The following YTHDF3 variants were observed in gnomAD, a reference collection of about 807,000 sequenced individuals.
YTHDF3 encodes the protein YTH domain-containing family protein 3.
Under a neutral mutation model 52.5 loss-of-function variants are expected in YTHDF3, and 9 were observed. The ratio of observed to expected loss-of-function variants is 0.17; its 90% CI spans 0.10 to 0.30. YTHDF3 has a LOEUF of 0.30. Ranked by LOEUF, YTHDF3 falls within the 10% of genes least tolerant of loss-of-function variation. YTHDF3 has a pLI of 1.00. For missense variants in YTHDF3, 534 were observed against 715.0 expected (o/e 0.75, Z 2.89); for synonymous variants, 274 against 243.3 (o/e 1.13, Z -1.18).
intron 4 of YTHDF3, among the ~76,000 whole-genome samples, chr8:63,188,571 C>A (rs1043306480): frequency 6.7e-6 from 1 of 149,230 alleles, no homozygotes; most frequent in South Asian, 2.1e-4. Context: ...TCTGCCCCTA[C>A]CCCTCTGCCT....
At chr8:63,204,173 C>T (rs1367081394) in intron 4 of YTHDF3, among the ~76,000 whole-genome samples, 1 of 151,724 alleles carries the variant, frequency 6.6e-6, no homozygotes, top group Non-Finnish European at 1.5e-5. Flanking sequence ...TGTCTTGGAT[C>T]TATCCTCTCA....
intron 1 of YTHDF3, chr8:63,169,176 G>A: frequency 7.2e-7 from 1 of 1,394,900 alleles, no homozygotes; most frequent in Admixed American, 2.8e-5. Context: ...GCGGAGACCG[G>A]GCGAGCTCTG....
intron 3 of YTHDF3, among the ~76,000 whole-genome samples, chr8:63,179,837 CG>C (rs1398838915): frequency 6.6e-6 from 1 of 150,622 alleles, no homozygotes; most frequent in Non-Finnish European, 1.5e-5. Context: ...GGCGGCTGGC[CG>C]GGTGGGGGGC....
At chr8:63,193,090 C>T (rs1303835181) in intron 4 of YTHDF3, among the ~76,000 whole-genome samples, 1 of 152,002 alleles carries the variant, frequency 6.6e-6, no homozygotes, top group East Asian at 1.9e-4. Context: ...TTTAAGAGGC[C>T]TGGCTGGGCA....
In YTHDF3 at chr8:63,168,734, C is replaced by T. The variant is rs1257438688; in HGVS notation, c.-144C>T. On this transcript the variant is annotated 5_prime_UTR_variant, in exon 1 of 5. Transcript: ENST00000539294. ...CTTCCTCCGACTCCCGAGCGCGAGG[C>T]CCTCATTTTGGGTTCTCAGCGAACG... 4 of 1,497,028 alleles carry T rather than the reference C, an allele frequency of 2.7e-6. No individual in the cohort carries two copies. In the East Asian group the frequency reaches 1.0e-4, roughly 38 times the overall value. 92.7% of individuals were successfully genotyped at this position (1,497,028 alleles called of 1,614,324 possible).
upstream of YTHDF3, chr8:63,168,612 A>G (rs1242869880): frequency 1.7e-6 from 1 of 601,644 alleles, no homozygotes; most frequent in Non-Finnish European, 2.9e-6. Context: ...GGAGGCTCGG[A>G]GCGGAAGTGA....
At chr8:63,177,458 T>C (rs372432158) in intron 3 of YTHDF3, among the ~76,000 whole-genome samples, 1 of 152,224 alleles carries the variant, frequency 6.6e-6, no homozygotes, top group Non-Finnish European at 1.5e-5. Flanking sequence ...TTGTGAAATG[T>C]AGTGCAAGTT....
chr8:63,207,487 T>C (rs1810107084), intron 4 of YTHDF3, among the ~76,000 whole-genome samples: 1 of 152,204 alleles, frequency 6.6e-6, no homozygotes, highest in Non-Finnish European at 1.5e-5. Flanking sequence ...TAGATTTTTT[T>C]CAAACTCATT....
chr8:63,206,183 C>T (rs1810018579), intron 4 of YTHDF3, among the ~76,000 whole-genome samples: 1 of 152,106 alleles, frequency 6.6e-6, no homozygotes, highest in African/African-American at 2.4e-5. Context: ...AAGTGATTCT[C>T]CTGCCTCATC....
rs1040277747 is a variant in YTHDF3, at chr8:63,211,201, T to C, written c.*1495T>C. The stretch of plus-strand genomic sequence containing the variant: ...ATTTTATTTTGTACAATGTTTTTTT[T>C]AAATGTGCAAATACTGTATTCAAGT... On this transcript the variant is annotated 3_prime_UTR_variant, in exon 5 of 5. Coordinates refer to ENST00000539294, the MANE Select transcript of YTHDF3 (RefSeq NM_152758.6). 1 of 152,568 alleles carries C rather than the reference T, an allele frequency of 6.6e-6. No individual in the cohort carries two copies. Among genetic ancestry groups the C allele is most frequent in the Non-Finnish European group, 1.5e-5 (1 of 67,988 alleles). 9.5% of individuals were successfully genotyped at this position (152,568 alleles called of 1,614,324 possible).
At chr8:63,197,645 T>C (rs995393294) in intron 4 of YTHDF3, among the ~76,000 whole-genome samples, 1 of 152,202 alleles carries the variant, frequency 6.6e-6, no homozygotes, top group Admixed American at 6.5e-5. Flanking sequence ...CCATATTCAA[T>C]GTGATATGGT....
Position 63,186,472 on chromosome 8 carries a change from GT to G in YTHDF3, c.463del (p.Tyr155MetfsTer24). The G allele has an allele frequency of 6.2e-7, 1 of 1,614,056 alleles. No individual in the cohort carries two copies. The highest frequency in any genetic ancestry group is 8.5e-7 in the Non-Finnish European group (1 of 1,179,902). On this transcript the variant is annotated frameshift_variant, in exon 4 of 5. Coordinates refer to ENST00000539294, the MANE Select transcript of YTHDF3 (RefSeq NM_152758.6). LOFTEE classifies it high-confidence loss of function. The part of the protein sequence containing the change: ...QSTQSSAYSS[S>X]YGYPPSSLGR... ...ACACAAAGTTCTGCTTATAGTAGCA[GT>G]TATGGCTATCCACCTAGTTCTCTTG...
chr8:63,209,782 C>A lies in YTHDF3; in HGVS notation c.*76C>A. ...GAAATGCCTAATAAGTCAAAGAAGA[C>A]GTATTAAAGCTCTTTTCTGCTTAAG... On this transcript the variant is annotated 3_prime_UTR_variant, in exon 5 of 5. Transcript: ENST00000539294. 4 of 1,389,388 alleles carry A rather than the reference C, an allele frequency of 2.9e-6. No individual in the cohort carries two copies. Among genetic ancestry groups the A allele is most frequent in the Admixed American group, 5.2e-5 (2 of 38,620 alleles). The allele number at this position is 1,389,388 out of a possible 1,614,324, so 86.1% of individuals were successfully genotyped here. A position where few individuals can be genotyped will look rare whatever the true frequency, so the allele number is the denominator to read the frequency against.
chr8:63,170,501 GTAAA>G (rs1267496563), intron 2 of YTHDF3, among the ~76,000 whole-genome samples: 1 of 152,102 alleles, frequency 6.6e-6, no homozygotes, highest in Non-Finnish European at 1.5e-5. Context: ...CTTGCAGTAT[GTAAA>G]TATTTAGACA....
chr8:63,176,404 G>A (rs908358293), intron 3 of YTHDF3, among the ~76,000 whole-genome samples: 7 of 151,548 alleles, frequency 4.6e-5, no homozygotes, highest in Non-Finnish European at 7.4e-5. Flanking sequence ...GCCTCAGCCC[G>A]GAGTAGCTGG....
At chr8:63,181,139 T>C (rs1808106208) in intron 3 of YTHDF3, among the ~76,000 whole-genome samples, 1 of 152,190 alleles carries the variant, frequency 6.6e-6, no homozygotes, top group Non-Finnish European at 1.5e-5. Context: ...TGAAGTTGAG[T>C]TTGTCTGCTT....
intron 4 of YTHDF3, among the ~76,000 whole-genome samples, chr8:63,200,989 A>C (rs1809601534): frequency 6.6e-6 from 1 of 152,194 alleles, no homozygotes; most frequent in African/African-American, 2.4e-5. Context: ...AAGTCGAAGG[A>C]ATTGTTATTC....
At chr8:63,193,249 A>C (rs1380065055) in intron 4 of YTHDF3, among the ~76,000 whole-genome samples, 1 of 151,798 alleles carries the variant, frequency 6.6e-6, no homozygotes, top group Non-Finnish European at 1.5e-5. Context: ...ATGGTGGTGC[A>C]TGCCTGTAGT....
At chr8:63,187,992 G>A (rs927121831) in intron 4 of YTHDF3, among the ~76,000 whole-genome samples, 6 of 152,056 alleles carry the variant, frequency 3.9e-5, no homozygotes, top group African/African-American at 1.4e-4. Context: ...AAGGCCATTG[G>A]GCCTCAGTGT....
Sources: gnomAD v4.1 joint callset for allele counts (sites outside exome capture counted in the v4.1 genomes callset) on GRCh38, gnomAD v4.1.1 for gene constraint, MANE v1.5 for transcripts, NCBI Gene and HGNC (gene_info 2026-07-23, HGNC 2026-07-21) for gene names.